The following SNX29 variants were observed in gnomAD, a reference collection of about 807,000 sequenced individuals.
SNX29 encodes the protein sorting nexin 29.
SNX29 carries 78 observed loss-of-function variants against 102.1 expected under a neutral mutation model. The observed-to-expected ratio is 0.76, with a 90% CI of 0.64 to 0.92. SNX29 has a LOEUF of 0.92. Ranked by LOEUF, SNX29 falls within the 40% of genes least tolerant of loss-of-function variation. SNX29 has a pLI of 0.00. For missense variants in SNX29, 1,280 were observed against 1,061.7 expected (o/e 1.21, Z -2.86); for synonymous variants, 580 against 414.5 (o/e 1.40, Z -4.85).
intron 19 of SNX29, among the ~76,000 whole-genome samples, chr16:12,480,653 A>G (rs921890672): frequency 3.3e-5 from 5 of 152,066 alleles, no homozygotes; most frequent in South Asian, 2.1e-4. Flanking sequence ...TGCAGCCTCA[A>G]ACAACTCCCT....
chr16:12,524,569 A>G, intron 19 of SNX29, 133 bp from the exon 20 acceptor site: 1 of 980,470 alleles, frequency 1.0e-6, no homozygotes, highest in Non-Finnish European at 1.5e-6. Flanking sequence ...CTTAGGGACC[A>G]TTCATACGAG....
chr16:12,563,907 G>A (rs530534655), intron 20 of SNX29, among the ~76,000 whole-genome samples: 69 of 152,328 alleles, frequency 4.5e-4, no homozygotes, highest in African/African-American at 1.6e-3. Context: ...TCTGGAGCAG[G>A]CAGCCGAAGA....
At chr16:12,112,546 G>A (rs1158197610) in intron 11 of SNX29, among the ~76,000 whole-genome samples, 1 of 152,176 alleles carries the variant, frequency 6.6e-6, no homozygotes, top group Non-Finnish European at 1.5e-5. Context: ...TGCTCACAAG[G>A]GACTCGCCAT....
intron 20 of SNX29, among the ~76,000 whole-genome samples, chr16:12,562,635 T>TTCC (rs1419339042): frequency 6.6e-6 from 1 of 152,188 alleles, no homozygotes; most frequent in Non-Finnish European, 1.5e-5. Context: ...TATCAGGGTC[T>TTCC]TCCCTGAGGG....
intron 15 of SNX29, among the ~76,000 whole-genome samples, chr16:12,353,145 T>C (rs369396412): frequency 3.9e-5 from 6 of 152,176 alleles, no homozygotes; most frequent in African/African-American, 1.4e-4. Context: ...ATGTGAACTG[T>C]GTGGCTCTCC....
chr16:12,036,408 C>A (rs1276705172), intron 4 of SNX29, among the ~76,000 whole-genome samples: 1 of 148,638 alleles, frequency 6.7e-6, no homozygotes, highest in African/African-American at 2.5e-5. Context: ...CATCTCGGCT[C>A]ACTGCCAGCT....
intron 15 of SNX29, among the ~76,000 whole-genome samples, chr16:12,299,476 G>A (rs537800329): frequency 6.6e-6 from 1 of 152,300 alleles, no homozygotes; most frequent in East Asian, 1.9e-4. Context: ...TCAAAGCAAG[G>A]AAGCTGAGGT....
At chr16:12,291,255 T>C (rs1193849998) in intron 15 of SNX29, among the ~76,000 whole-genome samples, 1 of 152,128 alleles carries the variant, frequency 6.6e-6, no homozygotes, top group Non-Finnish European at 1.5e-5. Flanking sequence ...GGACTCACAG[T>C]TCCACATGGC....
At chr16:12,537,933 T>G (rs1010445670) in intron 20 of SNX29, among the ~76,000 whole-genome samples, 1 of 148,798 alleles carries the variant, frequency 6.7e-6, no homozygotes. Context: ...TGCAGTGAGC[T>G]GAGATCGTGC....
intron 2 of SNX29, among the ~76,000 whole-genome samples, chr16:11,999,996 G>A (rs1018905930): frequency 6.6e-6 from 1 of 152,098 alleles, no homozygotes; most frequent in Non-Finnish European, 1.5e-5. Context: ...GGGTGCAGAG[G>A]TGGTGGTTTG....
At chr16:12,564,387 G>A (rs968264240) in intron 20 of SNX29, among the ~76,000 whole-genome samples, 12 of 140,248 alleles carry the variant, frequency 8.6e-5, no homozygotes, top group African/African-American at 2.6e-4. Context: ...ACCACCAACT[G>A]CATAAATATG....
chr16:12,246,654 A>C (rs1340594463), intron 14 of SNX29, among the ~76,000 whole-genome samples: 1 of 151,950 alleles, frequency 6.6e-6, no homozygotes, highest in African/African-American at 2.4e-5. Context: ...CAACAAAAAA[A>C]CCCAGTGTTA....
At chr16:12,567,912 C>T (rs531043088) in intron 20 of SNX29, among the ~76,000 whole-genome samples, 1 of 152,180 alleles carries the variant, frequency 6.6e-6, no homozygotes. Flanking sequence ...GCCCTGGGAC[C>T]CACACACGCT....
intron 14 of SNX29, among the ~76,000 whole-genome samples, chr16:12,222,420 G>C (rs1301292437): frequency 1.3e-5 from 2 of 152,204 alleles, no homozygotes; most frequent in Non-Finnish European, 2.9e-5. Flanking sequence ...AAGGGAAAAA[G>C]ACCACTTGAT....
chr16:12,570,494 C>T lies in SNX29; in HGVS notation c.*1865C>T, dbSNP rs1465994705. ...AGCTCAATCTGCTGTATGTCATGAC[C>T]CCTTAGGTTGGGTTTATGCCACATC... On this transcript the variant is annotated 3_prime_UTR_variant, in exon 21 of 21. Coordinates refer to ENST00000566228, the MANE Select transcript of SNX29 (RefSeq NM_032167.5). The T allele has an allele frequency of 4.3e-6, 1 of 233,114 alleles. No individual in the cohort carries two copies. The highest frequency in any genetic ancestry group is 2.2e-5 in the African/African-American group (1 of 45,288). 14.4% of individuals were successfully genotyped at this position (233,114 alleles called of 1,614,324 possible). A position where few individuals can be genotyped will look rare whatever the true frequency, so the allele number is the denominator to read the frequency against.
intron 18 of SNX29, among the ~76,000 whole-genome samples, chr16:12,408,486 C>T (rs563108692): frequency 5.9e-5 from 9 of 152,218 alleles, no homozygotes; most frequent in Non-Finnish European, 1.2e-4. Context: ...CTTGTTTGAG[C>T]AATGTCAGGG....
At chr16:12,564,929 G>C (rs1027089988) in intron 20 of SNX29, among the ~76,000 whole-genome samples, 3 of 38,856 alleles carry the variant, frequency 7.7e-5, no homozygotes, top group Non-Finnish European at 1.6e-4. Flanking sequence ...AGGGAACCTT[G>C]GTGTTAAAAA....
chr16:12,378,073 T>C (rs1213356419), intron 16 of SNX29, among the ~76,000 whole-genome samples: 4 of 152,238 alleles, frequency 2.6e-5, no homozygotes, highest in Non-Finnish European at 5.9e-5. Flanking sequence ...GAATTTTTTA[T>C]ATTAGATACT....
rs869186902 is a variant in SNX29 at position 12,118,313 on chromosome 16, C to CTTTTTTTTTTTTTTTT, written c.1403-8312_1403-8297dup. ...TGTAGATAGTAGATATACAGACCAC[C>CTTTTTTTTTTTTTTTT]TTTTTTTTTTTTTTTTTTTTTTTAT... On this transcript the variant is annotated intron_variant, in intron 11 of 20. Transcript: ENST00000566228. 8.7e-4 allele frequency among the ~76,000 whole-genome samples: 75 copies of CTTTTTTTTTTTTTTTT among 86,118 alleles called. 8 individuals are homozygous for CTTTTTTTTTTTTTTTT. The highest frequency in any genetic ancestry group is 1.6e-3 in the East Asian group (3 of 1,874). The allele number at this position is 86,118 out of a possible 152,430, so 56.5% of individuals were successfully genotyped here.
Sources: allele counts gnomAD v4.1 joint callset (sites outside exome capture counted in the v4.1 genomes callset), GRCh38; gene constraint gnomAD v4.1.1; transcripts MANE v1.5; gene names NCBI Gene and HGNC (gene_info 2026-07-23, HGNC 2026-07-21).